The following IGFL4 variants were observed in gnomAD, a reference collection of about 807,000 sequenced individuals.
IGFL4 encodes IGF like family member 4.
A neutral mutation model predicts 15.4 loss-of-function variants in IGFL4; 12 were observed. The observed-to-expected ratio is 0.78, with a 90% CI of 0.50 to 1.26. The LOEUF is 1.26. IGFL4 is among the 50% of genes most tolerant of loss of function. The pLI is 0.00. For missense variants in IGFL4, 126 were observed against 147.8 expected, an observed-to-expected ratio of 0.85 and a Z score of 0.76; for synonymous variants, 54 against 55.9, an observed-to-expected ratio of 0.97 and a Z score of 0.16.
upstream of IGFL4, chr19:46,041,151 T>G: frequency 1.7e-6 from 1 of 585,196 alleles, no homozygotes; most frequent in South Asian, 2.3e-5. Flanking sequence ...CTTAATGAGA[T>G]GCTTCTGGAC....
intron 1 of IGFL4, among the ~76,000 whole-genome samples, chr19:46,063,926 G>C (rs752058781): frequency 5.3e-5 from 8 of 152,082 alleles, no homozygotes; most frequent in Non-Finnish European, 1.0e-4. Context: ...AAAGTCTGTA[G>C]GCAGGCATAG....
Position 46,046,736 on chromosome 19 carries a change from C to T in IGFL4, c.-322-5626G>A, listed in dbSNP as rs146668908. 5.1e-3 allele frequency among the ~76,000 whole-genome samples: 770 copies of T among 152,316 alleles called. 7 individuals are homozygous for T. Among genetic ancestry groups the T allele is most frequent in the African/African-American group, 0.018 (731 of 41,556 alleles). On this transcript the variant is annotated intron_variant, in intron 2 of 5. Coordinates refer to the IGFL4 transcript ENST00000601672. ...ATCCTAAATATATATGCATCCAATA[C>T]AGGAGAACCCAGATTCATAAAGCAA...
At chr19:46,049,339 C>T (rs1402301168) in intron 2 of IGFL4, among the ~76,000 whole-genome samples, 2 of 152,210 alleles carry the variant, frequency 1.3e-5, no homozygotes, top group Non-Finnish European at 2.9e-5. Flanking sequence ...AGTTTGCTTG[C>T]TTTCTCAGCT....
chr19:46,060,703 T>C (rs532934013), intron 1 of IGFL4, among the ~76,000 whole-genome samples: 1 of 152,290 alleles, frequency 6.6e-6, no homozygotes, highest in South Asian at 2.1e-4. Flanking sequence ...TAAGTTATAT[T>C]AGAATAATAA....
chr19:46,074,909 A>C (rs557674627), intron 1 of IGFL4, among the ~76,000 whole-genome samples: 3 of 152,332 alleles, frequency 2.0e-5, no homozygotes, highest in Admixed American at 2.0e-4. Context: ...GCTGATGAAA[A>C]TCATGTCCCT....
chr19:46,071,413 C>T (rs1969544724), intron 1 of IGFL4, among the ~76,000 whole-genome samples: 3 of 152,202 alleles, frequency 2.0e-5, no homozygotes, highest in African/African-American at 7.2e-5. Flanking sequence ...CTAGTTGGTT[C>T]TGCTTCTCTC....
upstream of IGFL4, among the ~76,000 whole-genome samples, chr19:46,044,523 C>T (rs1308931254): frequency 1.3e-5 from 2 of 152,112 alleles, no homozygotes; most frequent in South Asian, 2.1e-4. Context: ...GTCGTGGGGG[C>T]AGTCACCATC....
At chr19:46,050,075 G>A (rs1223248028) in intron 2 of IGFL4, among the ~76,000 whole-genome samples, 1 of 152,160 alleles carries the variant, frequency 6.6e-6, no homozygotes, top group African/African-American at 2.4e-5. Context: ...AACAATCACT[G>A]CAGTTCAGCT....
chr19:46,070,470 A>G (rs1969535299), intron 1 of IGFL4, among the ~76,000 whole-genome samples: 1 of 151,936 alleles, frequency 6.6e-6, no homozygotes, highest in East Asian at 1.9e-4. Flanking sequence ...TCACAATACC[A>G]AGCATTAAAT....
At chr19:46,071,915 C>T (rs1051386140) in intron 1 of IGFL4, among the ~76,000 whole-genome samples, 5 of 152,018 alleles carry the variant, frequency 3.3e-5, no homozygotes, top group Non-Finnish European at 7.4e-5. Flanking sequence ...CCCAGCTACT[C>T]GGGAGTCTGA....
chr19:46,059,621 AC>A (rs1236497065), intron 2 of IGFL4: 2 of 152,212 alleles, frequency 1.3e-5, no homozygotes, highest in Admixed American at 1.3e-4. Flanking sequence ...TAACAGGTGT[AC>A]CATAGTTCTT....
At chr19:46,045,811 G>A (rs180951812), upstream of IGFL4, among the ~76,000 whole-genome samples, 39 of 152,180 alleles carry the variant, frequency 2.6e-4, no homozygotes, top group African/African-American at 8.9e-4. Context: ...AAAGAGACAG[G>A]GAAATTGGAA....
intron 2 of IGFL4, among the ~76,000 whole-genome samples, chr19:46,054,824 A>G (rs1311841451): frequency 6.6e-6 from 1 of 152,216 alleles, no homozygotes; most frequent in East Asian, 1.9e-4. Context: ...TAGAAGATCT[A>G]TAGTCTTCAA....
chr19:46,066,181 T>C (rs565671769), intron 1 of IGFL4, among the ~76,000 whole-genome samples: 2 of 152,310 alleles, frequency 1.3e-5, no homozygotes, highest in East Asian at 3.9e-4. Flanking sequence ...CTTGACACCA[T>C]ATATCAAGGA....
upstream of IGFL4, chr19:46,041,143 T>TA: frequency 1.7e-6 from 1 of 599,434 alleles, no homozygotes; most frequent in Non-Finnish European, 2.9e-6. Flanking sequence ...ATCAAAAGCT[T>TA]AATGAGATGC....
intron 1 of IGFL4, among the ~76,000 whole-genome samples, chr19:46,067,400 C>T (rs1005566003): frequency 6.6e-6 from 1 of 152,142 alleles, no homozygotes; most frequent in Admixed American, 6.5e-5. Flanking sequence ...AGCTTCCTTG[C>T]ATGCCTTCAC....
chr19:46,058,736 A>G (rs996679975), intron 2 of IGFL4: 4 of 152,244 alleles, frequency 2.6e-5, no homozygotes, highest in African/African-American at 9.7e-5. Flanking sequence ...CACCATGTGG[A>G]TGCTGCCTAG....
intron 2 of IGFL4, among the ~76,000 whole-genome samples, chr19:46,051,619 T>C (rs1252103909): frequency 6.6e-6 from 1 of 152,090 alleles, no homozygotes; most frequent in Non-Finnish European, 1.5e-5. Context: ...GATGTGAGAA[T>C]AGTACCTCAC....
chr19:46,053,395 A>C (rs1442293879), intron 2 of IGFL4, among the ~76,000 whole-genome samples: 3 of 152,048 alleles, frequency 2.0e-5, no homozygotes, highest in African/African-American at 7.3e-5. Context: ...TTGTATTTTT[A>C]GTAGAGCCGG....
Sources: allele counts gnomAD v4.1 joint callset (sites outside exome capture counted in the v4.1 genomes callset), GRCh38; gene constraint gnomAD v4.1.1; transcripts MANE v1.5; gene names NCBI Gene and HGNC (gene_info 2026-07-23, HGNC 2026-07-21).